EIPR1: variants seen among roughly 807,000 people sequenced by gnomAD.
The protein encoded by EIPR1 is EARP complex and GARP complex interacting protein 1.
A neutral mutation model predicts 48.1 loss-of-function variants in EIPR1; 25 were observed. The observed-to-expected ratio is 0.52, with a 90% CI of 0.38 to 0.73. The LOEUF (loss-of-function observed/expected upper bound fraction) is 0.73, where lower values mean the gene tolerates loss of function less well. EIPR1 is among the 30% of genes least tolerant of loss of function. EIPR1 has a pLI of 0.00. For synonymous variants in EIPR1, 204 were observed against 201.9 expected (o/e 1.01, Z -0.09); for missense variants, 415 against 506.2 (o/e 0.82, Z 1.73).
chr2:3,196,821 C>T (rs919999179), intron 6 of EIPR1, 60 bp downstream of exon 6: 47 of 1,592,304 alleles, frequency 3.0e-5, no homozygotes, highest in South Asian at 9.1e-5. Flanking sequence ...CACCATCATC[C>T]CGGTTCTGCT....
Position 3,214,185 on chromosome 2 carries a change from C to T in EIPR1, c.480G>A (p.Leu160=). 2 of 1,613,848 alleles carry T rather than the reference C, an allele frequency of 1.2e-6. No individual in the cohort carries two copies. The highest frequency in any genetic ancestry group is 1.7e-6 in the Non-Finnish European group (2 of 1,179,888). Residue 160 remains leucine, a synonymous_variant, in exon 5 of 9, where the codon CTG becomes CTA. Transcript: ENST00000382125. ...TCGAGCTTTCCTGTAAATCCCACAG[C>T]AGGATATGGTTATCAGCCAAGGAAA... ...KIISLADNHI[L]LWDLQESSSQ... is the part of the protein sequence containing the mutation.
intron 3 of EIPR1, among the ~76,000 whole-genome samples, chr2:3,303,681 A>C (rs1668825143): frequency 6.6e-6 from 1 of 152,144 alleles, no homozygotes; most frequent in African/African-American, 2.4e-5. Flanking sequence ...GCAGCCACAA[A>C]CCCGCCAGAC....
chr2:3,345,356 C>A (rs908789029), intron 2 of EIPR1, among the ~76,000 whole-genome samples: 3 of 152,084 alleles, frequency 2.0e-5, no homozygotes, highest in African/African-American at 7.2e-5. Flanking sequence ...ACCTATAACC[C>A]CAGCACTTTG....
At chr2:3,201,474 T>C (rs113935546) in intron 5 of EIPR1, among the ~76,000 whole-genome samples, 24 of 152,292 alleles carry the variant, frequency 1.6e-4, no homozygotes, top group Middle Eastern at 3.4e-3. Context: ...GGGTGCAGCT[T>C]TTCCAGCTGG....
intron 4 of EIPR1, among the ~76,000 whole-genome samples, chr2:3,246,236 T>C (rs2103196841): frequency 6.6e-6 from 1 of 152,304 alleles, no homozygotes; most frequent in Non-Finnish European, 1.5e-5. Context: ...ACACAACATT[T>C]ACAAAATGGG....
chr2:3,318,324 G>C (rs1026269639), intron 3 of EIPR1, among the ~76,000 whole-genome samples: 10 of 152,182 alleles, frequency 6.6e-5, no homozygotes, highest in Admixed American at 5.9e-4. Flanking sequence ...CATAAACAAA[G>C]CACCCGGCAA....
chr2:3,283,089 G>A (rs1668064762), intron 3 of EIPR1, among the ~76,000 whole-genome samples: 1 of 152,088 alleles, frequency 6.6e-6, no homozygotes, highest in South Asian at 2.1e-4. Flanking sequence ...CCCTGTTTTT[G>A]CAGTCCTCAT....
At chr2:3,364,622 G>T (rs1670931157) in intron 1 of EIPR1, among the ~76,000 whole-genome samples, 1 of 150,300 alleles carries the variant, frequency 6.7e-6, no homozygotes, top group South Asian at 2.1e-4. Context: ...GTGACAGAGT[G>T]AGACCCTCCC....
chr2:3,202,207 G>A (rs1665070625), intron 5 of EIPR1, among the ~76,000 whole-genome samples: 1 of 152,220 alleles, frequency 6.6e-6, no homozygotes, highest in Non-Finnish European at 1.5e-5. Flanking sequence ...AAAGTGCTGG[G>A]ATTACAGGCG....
intron 4 of EIPR1, among the ~76,000 whole-genome samples, chr2:3,231,366 T>C (rs1666237973): frequency 1.1e-4 from 16 of 152,196 alleles, no homozygotes; most frequent in Admixed American, 9.8e-4. Context: ...AGTTAGAACT[T>C]CCAGTTATTA....
intron 7 of EIPR1, among the ~76,000 whole-genome samples, chr2:3,193,256 A>G (rs993998314): frequency 6.6e-6 from 1 of 152,204 alleles, no homozygotes. Context: ...TGCACTACCA[A>G]TCCGGGGTTT....
intron 4 of EIPR1, among the ~76,000 whole-genome samples, chr2:3,237,594 G>A (rs919745025): frequency 2.0e-5 from 3 of 152,190 alleles, no homozygotes; most frequent in Admixed American, 6.5e-5. Context: ...AACAGGGACT[G>A]CTGTATGACT....
At position 3,197,099 on chromosome 2, in the gene EIPR1, G is replaced by T. The variant is rs935052959; in HGVS notation, c.517-82C>A. On this transcript the variant is annotated intron_variant, in intron 5 of 8. Transcript: ENST00000382125. ...TGTTCAGAAAACGCGAGAGGATATC[G>T]TATACTCAAGGATATTATTGAAAAT... 115 of 1,438,280 alleles carry T rather than the reference G, an allele frequency of 8.0e-5. 1 individual carries two copies. The South Asian group carries it at 9.7e-4, about 12-fold the overall frequency. The allele number at this position is 1,438,280 out of a possible 1,614,324, so 89.1% of individuals were successfully genotyped here. A position where few individuals can be genotyped will look rare whatever the true frequency, so the allele number is the denominator to read the frequency against.
chr2:3,310,875 T>C (rs903095652), intron 3 of EIPR1, among the ~76,000 whole-genome samples: 22 of 151,308 alleles, frequency 1.5e-4, no homozygotes, highest in African/African-American at 5.3e-4. Context: ...AATCAATCAA[T>C]TTTTTTTTCA....
At chr2:3,212,445 G>T (rs1312421209) in intron 5 of EIPR1, among the ~76,000 whole-genome samples, 5 of 152,070 alleles carry the variant, frequency 3.3e-5, no homozygotes, top group Admixed American at 3.3e-4. Context: ...TCTATACCAG[G>T]AATGGAGCCC....
Position 3,287,736 on chromosome 2 carries a change from T to C in EIPR1, c.260-30281A>G, listed in dbSNP as rs148088467. On this transcript the variant is annotated intron_variant, in intron 3 of 8. Coordinates refer to ENST00000382125, the MANE Select transcript of EIPR1 (RefSeq NM_003310.5). ...TCCAGAAAGCTCGTTCACCACGCTC[T>C]AGAAAGCTCATTCACTATGCTCCAG... Among the ~76,000 whole-genome samples the C allele has an allele frequency of 4.7e-3, 580 of 123,184 alleles. 8 individuals are homozygous for C. The East Asian group carries it at 0.051, about 11-fold the overall frequency. 80.8% of individuals were successfully genotyped at this position (123,184 alleles called of 152,430 possible). A position where few individuals can be genotyped will look rare whatever the true frequency, so the allele number is the denominator to read the frequency against.
At chr2:3,309,900 CTCCCTGCAGGCTCTGGCAGCG>C (rs1242505562) in intron 3 of EIPR1, among the ~76,000 whole-genome samples, 6 of 152,154 alleles carry the variant, frequency 3.9e-5, no homozygotes, top group African/African-American at 1.4e-4. Context: ...GGGTAGGATT[CTCCCTGCAGGCTCTGGCAGCG>C]CCCCTGTGTA....
At chr2:3,209,470 G>A (rs1363019074) in intron 5 of EIPR1, among the ~76,000 whole-genome samples, 1 of 152,214 alleles carries the variant, frequency 6.6e-6, no homozygotes, top group East Asian at 1.9e-4. Context: ...GTGGAAGGAG[G>A]CCCAGGCACC....
chr2:3,326,116 C>T (rs1317917242), intron 3 of EIPR1, among the ~76,000 whole-genome samples: 1 of 152,220 alleles, frequency 6.6e-6, no homozygotes, highest in Non-Finnish European at 1.5e-5. Flanking sequence ...CTGGACTGGG[C>T]ATAAGGTGTG....
Sources: allele counts gnomAD v4.1 joint callset (sites outside exome capture counted in the v4.1 genomes callset), GRCh38; gene constraint gnomAD v4.1.1; transcripts MANE v1.5; gene names NCBI Gene and HGNC (gene_info 2026-07-23, HGNC 2026-07-21).